The following CSMD1 variants were observed in gnomAD, a reference collection of about 807,000 sequenced individuals.
CSMD1 encodes the protein CUB and sushi domain-containing protein 1.
In CSMD1, 213 loss-of-function variants were observed where a neutral mutation model predicts 417.5. The ratio of observed to expected loss-of-function variants is 0.51; its 90% CI spans 0.46 to 0.57. The LOEUF (loss-of-function observed/expected upper bound fraction) is 0.57, where lower values mean the gene tolerates loss of function less well. Ranked by LOEUF, CSMD1 falls within the 20% of genes least tolerant of loss-of-function variation. The pLI is 0.00. For synonymous variants in CSMD1, 2,862 were observed against 1,736.8 expected, an observed-to-expected ratio of 1.65 and a Z score of -16.11; for missense variants, 6,923 against 4,529.7, an observed-to-expected ratio of 1.53 and a Z score of -15.17.
intron 3 of CSMD1, among the ~76,000 whole-genome samples, chr8:4,079,503 T>G (rs1175645776): frequency 6.6e-6 from 1 of 152,236 alleles, no homozygotes; most frequent in Non-Finnish European, 1.5e-5. Context: ...TTGTGCCTAT[T>G]GAAACAATGA....
intron 19 of CSMD1, 54 bp downstream of exon 19, chr8:3,369,200 T>G (rs1356961402): frequency 5.5e-5 from 48 of 871,182 alleles, no homozygotes; most frequent in Non-Finnish European, 8.7e-5. Flanking sequence ...TTTGTTCCCG[T>G]TTTTCTGTCT....
chr8:3,764,416 C>T (rs12680823), intron 5 of CSMD1, among the ~76,000 whole-genome samples: 3 of 152,146 alleles, frequency 2.0e-5, no homozygotes, highest in Admixed American at 1.3e-4. Context: ...ATATAAACAA[C>T]GTATGAGTGT....
chr8:3,453,005 G>C (rs892580868), intron 12 of CSMD1, among the ~76,000 whole-genome samples: 8 of 152,088 alleles, frequency 5.3e-5, no homozygotes, highest in Non-Finnish European at 1.2e-4. Context: ...GCCTGTTATT[G>C]GTCTATTCAG....
chr8:3,015,084 T>A (rs1808722742), intron 52 of CSMD1, among the ~76,000 whole-genome samples: 1 of 140,698 alleles, frequency 7.1e-6, no homozygotes, highest in Admixed American at 7.2e-5. Flanking sequence ...AAAAAGTTTT[T>A]AAAAGCTTCT....
chr8:3,428,714 A>G (rs557565765), intron 12 of CSMD1, among the ~76,000 whole-genome samples: 18 of 152,318 alleles, frequency 1.2e-4, no homozygotes, highest in Non-Finnish European at 2.5e-4. Flanking sequence ...CATATACCCA[A>G]CAGAAATGAA....
chr8:4,065,984 T>A (rs759953384), intron 3 of CSMD1, among the ~76,000 whole-genome samples: 1 of 152,070 alleles, frequency 6.6e-6, no homozygotes, highest in East Asian at 1.9e-4. Flanking sequence ...AAAAATAAAA[T>A]AGGGGAAGGA....
chr8:3,835,844 C>T lies in CSMD1; in HGVS notation c.819-81802G>A, dbSNP rs183445932. ...CTAGGAGTTCTTCTGTTCCTTAGTT[C>T]TTCTGTACCTTTAGTGCCTCTGTAC... On this transcript the variant is annotated intron_variant, in intron 5 of 69. Transcript: ENST00000635120. Among the ~76,000 whole-genome samples, 432 of 151,846 alleles carry T rather than the reference C, an allele frequency of 2.8e-3. 2 individuals are homozygous for T. Among genetic ancestry groups the T allele is most frequent in the African/African-American group, 4.6e-3 (191 of 41,452 alleles).
chr8:3,274,878 G>A (rs1010469389), intron 26 of CSMD1, among the ~76,000 whole-genome samples: 4 of 152,074 alleles, frequency 2.6e-5, no homozygotes, highest in Non-Finnish European at 5.9e-5. Flanking sequence ...TTGACTCTGT[G>A]TCCAGTTTGC....
At chr8:4,224,318 G>C (rs1207318809) in intron 3 of CSMD1, among the ~76,000 whole-genome samples, 1 of 152,158 alleles carries the variant, frequency 6.6e-6, no homozygotes, top group African/African-American at 2.4e-5. Context: ...ATTTTAACCA[G>C]TCCAAGAGCA....
intron 5 of CSMD1, among the ~76,000 whole-genome samples, chr8:3,844,829 TTTTGTC>T (rs746949251): frequency 5.4e-4 from 82 of 152,324 alleles, no homozygotes; most frequent in African/African-American, 1.6e-3. Flanking sequence ...TTGTTTTTGT[TTTTGTC>T]TTTTGAAGGG....
chr8:3,789,409 TTTTTTTTTTTTAAGTAGTG>T (rs1799611687), intron 5 of CSMD1, among the ~76,000 whole-genome samples: 1 of 1,258 alleles, frequency 7.9e-4, no homozygotes, highest in Non-Finnish European at 1.6e-3. Flanking sequence ...TTTAAGTAAG[TTTTTTTTTTTTAAGTAGTG>T]TTTTTTTTTA....
At chr8:3,945,395 C>T (rs140924156) in intron 5 of CSMD1, among the ~76,000 whole-genome samples, 19 of 152,062 alleles carry the variant, frequency 1.2e-4, no homozygotes, top group Non-Finnish European at 2.2e-4. Flanking sequence ...TATAAATGAA[C>T]GGCTTAACTT....
intron 12 of CSMD1, among the ~76,000 whole-genome samples, chr8:3,455,390 G>C (rs760521023): frequency 3.9e-5 from 6 of 152,220 alleles, no homozygotes; most frequent in Non-Finnish European, 7.3e-5. Flanking sequence ...GAGGCACTCT[G>C]ATTTTTAGAG....
intron 3 of CSMD1, among the ~76,000 whole-genome samples, chr8:4,357,553 A>G (rs1298993925): frequency 6.6e-6 from 1 of 152,204 alleles, no homozygotes; most frequent in Non-Finnish European, 1.5e-5. Flanking sequence ...ACAGTTGGAA[A>G]AAAAAAATCT....
At chr8:3,269,940 C>G (rs890465827) in intron 26 of CSMD1, among the ~76,000 whole-genome samples, 1 of 151,808 alleles carries the variant, frequency 6.6e-6, no homozygotes, top group Non-Finnish European at 1.5e-5. Flanking sequence ...TGAAGGTAAA[C>G]GCACATAAAG....
chr8:3,998,526 T>C (rs1346929961), intron 4 of CSMD1, among the ~76,000 whole-genome samples: 1 of 152,224 alleles, frequency 6.6e-6, no homozygotes, highest in Non-Finnish European at 1.5e-5. Flanking sequence ...AATACTGTGC[T>C]CTTAAAAGAA....
At chr8:4,746,616 C>A (rs1370252579) in intron 1 of CSMD1, among the ~76,000 whole-genome samples, 1 of 152,196 alleles carries the variant, frequency 6.6e-6, no homozygotes, top group African/African-American at 2.4e-5. Flanking sequence ...TCCACCACAG[C>A]TGGGTAGGAT....
chr8:4,667,277 C>A (rs1347038840), intron 1 of CSMD1, among the ~76,000 whole-genome samples: 1 of 152,020 alleles, frequency 6.6e-6, no homozygotes, highest in Admixed American at 6.6e-5. Flanking sequence ...ATCTTGAAAT[C>A]AGAGTGTGTT....
intron 12 of CSMD1, among the ~76,000 whole-genome samples, chr8:3,437,775 T>C (rs1007075247): frequency 2.0e-5 from 3 of 151,062 alleles, no homozygotes; most frequent in Admixed American, 6.6e-5. Context: ...TGTTTCAGAG[T>C]CTTGCTCTGT....
Sources: gnomAD v4.1 joint callset for allele counts (sites outside exome capture counted in the v4.1 genomes callset) on GRCh38, gnomAD v4.1.1 for gene constraint, MANE v1.5 for transcripts, NCBI Gene and HGNC (gene_info 2026-07-23, HGNC 2026-07-21) for gene names.